The following RYK variants were observed in gnomAD, a reference collection of about 807,000 sequenced individuals.
RYK encodes inactive tyrosine-protein kinase RYK.
A neutral mutation model predicts 70.2 loss-of-function variants in RYK; 21 were observed. The ratio of observed to expected loss-of-function variants is 0.30; its 90% CI spans 0.21 to 0.43. The LOEUF is 0.43. Ranked by LOEUF, RYK falls within the 20% of genes least tolerant of loss-of-function variation. RYK has a pLI of 1.00. For missense variants in RYK, 604 were observed against 753.3 expected (o/e 0.80, Z 2.32); for synonymous variants, 267 against 278.0 (o/e 0.96, Z 0.39).
intron 13 of RYK, among the ~76,000 whole-genome samples, chr3:134,166,192 G>A (rs141984030): frequency 1.5e-4 from 23 of 152,292 alleles, no homozygotes; most frequent in African/African-American, 5.5e-4. Context: ...GTCAGGTCAT[G>A]AGAGTGCAGC....
chr3:134,244,390 G>A (rs1238851377), intron 1 of RYK, among the ~76,000 whole-genome samples: 3 of 152,078 alleles, frequency 2.0e-5, no homozygotes, highest in Admixed American at 6.6e-5. Flanking sequence ...GGAGGCTTGC[G>A]GTTCTACTCT....
intron 4 of RYK, among the ~76,000 whole-genome samples, chr3:134,208,262 T>A (rs769233120): frequency 3.2e-4 from 48 of 152,238 alleles, no homozygotes; most frequent in Admixed American, 5.2e-4. Context: ...CCACACCATG[T>A]CTGGTTATCA....
intron 5 of RYK, 24 bp from the exon 6 acceptor site, chr3:134,202,898 T>C (rs1417492122): frequency 6.2e-7 from 1 of 1,601,482 alleles, no homozygotes; most frequent in Non-Finnish European, 8.5e-7. Context: ...AAAAAGCACA[T>C]TTAGCTTTTT....
intron 7 of RYK, 27 bp downstream of exon 7, chr3:134,195,055 T>C (rs2013769361): frequency 6.6e-7 from 1 of 1,511,842 alleles, no homozygotes; most frequent in Admixed American, 1.7e-5. Flanking sequence ...TTGAGTAAAC[T>C]GGCTTTAGAA....
At chr3:134,178,351 A>C (rs781136934) in intron 10 of RYK, 2 of 297,510 alleles carry the variant, frequency 6.7e-6, no homozygotes, top group Non-Finnish European at 1.2e-5. Context: ...GGCACACTCT[A>C]ACCACACTAT....
chr3:134,241,988 C>T (rs1337962063), intron 1 of RYK, among the ~76,000 whole-genome samples: 1 of 152,134 alleles, frequency 6.6e-6, no homozygotes, highest in Non-Finnish European at 1.5e-5. Flanking sequence ...GCTGTCTATT[C>T]CAGCTTAAAA....
At chr3:134,243,352 A>C (rs1257744040) in intron 1 of RYK, among the ~76,000 whole-genome samples, 1 of 152,040 alleles carries the variant, frequency 6.6e-6, no homozygotes, top group Non-Finnish European at 1.5e-5. Context: ...CCCTCTTATC[A>C]TCACAAGGTT....
chr3:134,227,756 G>T (rs2014950443), intron 1 of RYK, among the ~76,000 whole-genome samples: 1 of 151,946 alleles, frequency 6.6e-6, no homozygotes, highest in South Asian at 2.1e-4. Flanking sequence ...TGCAAGCTCT[G>T]CCTCCCGGGT....
chr3:134,218,163 C>G (rs1260580014), intron 2 of RYK, among the ~76,000 whole-genome samples: 1 of 152,124 alleles, frequency 6.6e-6, no homozygotes, highest in Non-Finnish European at 1.5e-5. Flanking sequence ...CAACTACTGT[C>G]GAGTGTACCC....
chr3:134,186,475 A>C (rs1483838729), intron 9 of RYK, among the ~76,000 whole-genome samples: 3 of 152,252 alleles, frequency 2.0e-5, no homozygotes, highest in African/African-American at 7.2e-5. Flanking sequence ...CCATAAAAAC[A>C]GCATTCCAAA....
In RYK at chr3:134,242,910, A is replaced by G. The variant is rs894661197; in HGVS notation, c.232+7513T>C. 6.6e-5 allele frequency among the ~76,000 whole-genome samples: 10 copies of G among 152,316 alleles called. No individual in the cohort carries two copies. In the East Asian group the frequency reaches 1.7e-3, roughly 26 times the overall value. On this transcript the variant is annotated intron_variant, in intron 1 of 14. Coordinates refer to ENST00000623711, the MANE Select transcript of RYK (RefSeq NM_002958.4). ...TGCACAATGTCTCTGCCTGTCTCCC[A>G]ATGAAGAACACATGGATTCAAATAA...
At chr3:134,165,595 A>C (rs534020565) in intron 13 of RYK, among the ~76,000 whole-genome samples, 4 of 152,348 alleles carry the variant, frequency 2.6e-5, no homozygotes, top group South Asian at 4.1e-4. Context: ...AAAGGACCTC[A>C]GTGCCTCTGG....
At chr3:134,192,070 A>G (rs2013658341) in intron 7 of RYK, 96 bp from the exon 8 acceptor site, 8 of 1,183,008 alleles carry the variant, frequency 6.8e-6, no homozygotes, top group African/African-American at 3.1e-5. Flanking sequence ...CTCAGGTCAC[A>G]GGAATGAGTG....
intron 14 of RYK, 54 bp from the exon 15 acceptor site, chr3:134,158,318 C>T: frequency 8.4e-7 from 1 of 1,192,754 alleles, no homozygotes; most frequent in South Asian, 1.7e-5. Flanking sequence ...GTATTCATAA[C>T]TTTTGCTCAG....
At chr3:134,208,346 G>C (rs1445839131) in intron 4 of RYK, among the ~76,000 whole-genome samples, 2 of 152,166 alleles carry the variant, frequency 1.3e-5, no homozygotes, top group Non-Finnish European at 2.9e-5. Context: ...ATAAGGAACT[G>C]AATGTTTTAC....
In RYK at chr3:134,207,497, C is replaced by T; in HGVS notation, c.618G>A (p.Leu206=). 6.5e-7 allele frequency: 1 copy of T among 1,540,060 alleles called. No homozygotes were observed. The highest frequency in any genetic ancestry group is 1.4e-5 in the African/African-American group (1 of 72,826). The change falls in exon 5 of 15, where the codon TTG becomes TTA. Residue 206 remains leucine, a synonymous_variant. Transcript: ENST00000623711. ...KKLEEVKTSA[L]DKNTSRTIYD... The stretch of plus-strand genomic sequence containing the variant: ...AAATAGTTCTGCTAGTGTTTTTGTC[C>T]AAGGCTGAAGTTTTTACTTCTTCAA...
intron 6 of RYK, among the ~76,000 whole-genome samples, chr3:134,200,795 A>T (rs1170819300): frequency 4.6e-5 from 7 of 152,238 alleles, no homozygotes; most frequent in Non-Finnish European, 1.0e-4. Context: ...CTGGCTCTAG[A>T]GTCCGTACTC....
chr3:134,195,155 C>T lies in RYK; in HGVS notation c.816G>A (p.Gly272=). ...DSISASSSSQ[G]LSQPSTQTTQ... ...TCGTCTGGGTGGATGGCTGAGACAG[C>T]CCTTGGGAACTACTGCTGGCACTAA... The change falls in exon 7 of 15, where the codon GGG becomes GGA. Residue 272 remains glycine (G), a synonymous_variant. Transcript: ENST00000623711. The T allele has an allele frequency of 1.9e-6, 3 of 1,612,684 alleles. No individual in the cohort carries two copies. The highest frequency in any genetic ancestry group is 1.7e-6 in the Non-Finnish European group (2 of 1,179,274).
At position 134,175,750 on chromosome 3, in the gene RYK, T is replaced by A. The variant is rs2013079272; in HGVS notation, c.1434A>T (p.Gln478His). The stretch of plus-strand genomic sequence containing the variant: ...AGAGGGCATTGTCTGTGATCTTAAC[T>A]TGAAGTGTGTCATCAATGCTGAAAA... Reference protein sequence around the residue: ...ARNCVIDDTLQVKITDNALSR... With the variant: ...ARNCVIDDTLHVKITDNALSR... Residue 478 changes from glutamine to histidine, a missense_variant, in exon 13 of 15, where the codon CAA (glutamine) becomes CAT (histidine). Transcript: ENST00000623711. 2.5e-6 allele frequency: 4 copies of A among 1,613,812 alleles called. No individual in the cohort carries two copies. The highest frequency in any genetic ancestry group is 3.4e-6 in the Non-Finnish European group (4 of 1,179,828).
Sources: allele counts gnomAD v4.1 joint callset (sites outside exome capture counted in the v4.1 genomes callset), GRCh38; gene constraint gnomAD v4.1.1; transcripts MANE v1.5; gene names NCBI Gene and HGNC (gene_info 2026-07-23, HGNC 2026-07-21).